Variants in ACSM4 observed in about 807,000 individuals in gnomAD.
ACSM4 encodes the protein acyl-coenzyme A synthetase ACSM4, mitochondrial.
In ACSM4, 66 loss-of-function variants were observed where a neutral mutation model predicts 73.0. That is an observed-to-expected ratio of 0.90 (90% CI 0.74 to 1.11). The LOEUF (loss-of-function observed/expected upper bound fraction) is 1.11, where lower values mean the gene tolerates loss of function less well. Among genes scored for constraint, ACSM4 ranks in the 50% least tolerant of loss-of-function variants. The probability of loss-of-function intolerance (pLI) is 0.00; values close to 1 mark genes in which losing one functional copy is unlikely to be tolerated. For synonymous variants in ACSM4, 222 were observed against 254.0 expected (o/e 0.87, Z 1.20); for missense variants, 645 against 714.4 (o/e 0.90, Z 1.11).
At chr12:7,324,198 C>A in intron 9 of ACSM4, 75 bp from the exon 10 acceptor site, 1 of 1,542,416 alleles carries the variant, frequency 6.5e-7, no homozygotes, top group Non-Finnish European at 8.8e-7. Flanking sequence ...GTGTAATGTA[C>A]TAGTCACTTA....
Position 7,320,036 on chromosome 12 carries a change from G to A in ACSM4, c.922-689G>A, listed in dbSNP as rs191943790. On this transcript the variant is annotated intron_variant, in intron 5 of 12. Coordinates refer to ENST00000399422, the MANE Select transcript of ACSM4 (RefSeq NM_001080454.2). ...ATCATACTTTATCTGTGACAATCCA[G>A]GCAGCCCAGACATACATTTTGAGAG... Among the ~76,000 whole-genome samples the A allele has an allele frequency of 7.9e-4, 121 of 152,264 alleles. 1 individual carries two copies. Among genetic ancestry groups the A allele is most frequent in the Middle Eastern group, 3.4e-3 (1 of 294 alleles).
At chr12:7,323,871 A>G (rs1007113989) in intron 9 of ACSM4, among the ~76,000 whole-genome samples, 1 of 152,142 alleles carries the variant, frequency 6.6e-6, no homozygotes, top group African/African-American at 2.4e-5. Context: ...ATTACAAACT[A>G]TCTTTTAAAA....
intron 11 of ACSM4, among the ~76,000 whole-genome samples, chr12:7,325,613 C>T (rs1179786020): frequency 6.6e-6 from 1 of 152,138 alleles, no homozygotes; most frequent in Non-Finnish European, 1.5e-5. Flanking sequence ...CACCACTGTA[C>T]TCCAGCCTGG....
In ACSM4 at chr12:7,304,287, T is replaced by C; in HGVS notation, c.-45T>C. ...TCTATCCATCTCTCCCTACAGGCTG[T>C]AGTACTTCTGTGTCCATAGCAGTAG... On this transcript the variant is annotated 5_prime_UTR_variant, in exon 1 of 13. Transcript: ENST00000399422. 2 of 1,570,080 alleles carry C rather than the reference T, an allele frequency of 1.3e-6. No individual in the cohort carries two copies. The highest frequency in any genetic ancestry group is 8.8e-7 in the Non-Finnish European group (1 of 1,140,644).
chr12:7,321,028 T>C (rs1946459858), intron 6 of ACSM4, among the ~76,000 whole-genome samples: 1 of 152,106 alleles, frequency 6.6e-6, no homozygotes, highest in Non-Finnish European at 1.5e-5. Flanking sequence ...TCCTCCCCAT[T>C]TGTGAAAATC....
chr12:7,309,714 G>T (rs752849580), intron 2 of ACSM4, among the ~76,000 whole-genome samples: 1 of 151,928 alleles, frequency 6.6e-6, no homozygotes, highest in Non-Finnish European at 1.5e-5. Flanking sequence ...ATAATTTTTC[G>T]AATTTCTATT....
chr12:7,317,489 T>C (rs543627607), intron 4 of ACSM4, among the ~76,000 whole-genome samples: 1 of 152,212 alleles, frequency 6.6e-6, no homozygotes, highest in African/African-American at 2.4e-5. Flanking sequence ...AGAATCAACC[T>C]TAATTAATCC....
Position 7,317,178 on chromosome 12 carries a change from A to G in ACSM4, c.662A>G (p.Gln221Arg). The part of the protein sequence containing the change: ...EEHSCVETGS[Q>R]EPMTIYFTSG... ...CACAGCTGTGTGGAAACAGGAAGTC[A>G]AGAACCAATGACCATTTATTTCACC... The change falls in exon 4 of 13, where the codon CAA becomes CGA. Residue 221 changes from glutamine (Q) to arginine (R), a missense_variant. Transcript: ENST00000399422. The G allele has an allele frequency of 6.2e-7, 1 of 1,613,106 alleles. No homozygotes were observed. The highest frequency in any genetic ancestry group is 8.5e-7 in the Non-Finnish European group (1 of 1,179,588).
At chr12:7,313,137 T>C (rs142259616) in intron 3 of ACSM4, among the ~76,000 whole-genome samples, 312 of 152,326 alleles carry the variant, frequency 2.0e-3, no homozygotes, top group Non-Finnish European at 3.4e-3. Context: ...GCACACTCCC[T>C]GAGCAGCAAG....
chr12:7,315,262 A>C (rs1490480455), intron 3 of ACSM4, among the ~76,000 whole-genome samples: 1 of 152,124 alleles, frequency 6.6e-6, no homozygotes, highest in Non-Finnish European at 1.5e-5. Flanking sequence ...TTCACCATCA[A>C]GATTAATTAA....
intron 2 of ACSM4, among the ~76,000 whole-genome samples, chr12:7,308,139 AGAT>A (rs142241839): frequency 1.4e-3 from 215 of 152,328 alleles, no homozygotes; most frequent in Middle Eastern, 0.01. Context: ...ATGCTGTTGA[AGAT>A]GATCTTTCTG....
At chr12:7,320,696 T>A in intron 5 of ACSM4, 29 bp from the exon 6 acceptor site, 1 of 1,584,710 alleles carries the variant, frequency 6.3e-7, no homozygotes, top group Non-Finnish European at 8.7e-7. Flanking sequence ...TGACCACTTC[T>A]GACATCTGTG....
At chr12:7,307,685 G>A (rs1946369457) in intron 2 of ACSM4, among the ~76,000 whole-genome samples, 1 of 152,132 alleles carries the variant, frequency 6.6e-6, no homozygotes, top group Non-Finnish European at 1.5e-5. Flanking sequence ...GCAAGCCATG[G>A]TCTGTTGGTT....
At chr12:7,306,426 C>A in intron 1 of ACSM4, 107 bp from the exon 2 acceptor site, 1 of 1,054,244 alleles carries the variant, frequency 9.5e-7, no homozygotes, top group Non-Finnish European at 1.4e-6. Context: ...GCGCTGTTAG[C>A]AGAATGCACC....
intron 6 of ACSM4, 121 bp from the exon 7 acceptor site, chr12:7,322,297 T>G: frequency 1.5e-6 from 2 of 1,372,550 alleles, no homozygotes; most frequent in Non-Finnish European, 1.0e-6. Context: ...ATTTGTTGAA[T>G]GAACTTTGCT....
chr12:7,310,382 G>T (rs961047010), intron 2 of ACSM4, among the ~76,000 whole-genome samples, 157 bp from the exon 3 acceptor site: 6 of 152,198 alleles, frequency 3.9e-5, no homozygotes, highest in Non-Finnish European at 2.9e-5. Context: ...ATCTCTCAGG[G>T]ATCAGGGTCC....
chr12:7,325,724 A>G (rs1388184895), intron 11 of ACSM4, among the ~76,000 whole-genome samples: 1 of 152,226 alleles, frequency 6.6e-6, no homozygotes, highest in African/African-American at 2.4e-5. Flanking sequence ...GATCTAAGGA[A>G]AGGGAACTCT....
Position 7,323,324 on chromosome 12 carries a change from G to A in ACSM4, c.1206+10G>A. 6.2e-7 allele frequency: 1 copy of A among 1,607,918 alleles called. No individual in the cohort carries two copies. Among genetic ancestry groups the A allele is most frequent in the Non-Finnish European group, 8.5e-7 (1 of 1,176,706 alleles). Reference sequence around the variant, plus strand: ...GCCCTATGATGTCCAGGTAGGTTGAGAAAATATCTGACTGGTTCAGTAAAG... The same window carrying A: ...GCCCTATGATGTCCAGGTAGGTTGAAAAAATATCTGACTGGTTCAGTAAAG... On this transcript the variant is annotated intron_variant, in intron 8 of 12. Transcript: ENST00000399422.
chr12:7,323,435 C>G, intron 8 of ACSM4, 24 bp from the exon 9 acceptor site: 1 of 1,610,230 alleles, frequency 6.2e-7, no homozygotes, highest in Non-Finnish European at 8.5e-7. Flanking sequence ...ATTTTAAGAC[C>G]ATCAATTATT....
Sources: allele counts gnomAD v4.1 joint callset (sites outside exome capture counted in the v4.1 genomes callset), GRCh38; gene constraint gnomAD v4.1.1; transcripts MANE v1.5; gene names NCBI Gene and HGNC (gene_info 2026-07-23, HGNC 2026-07-21).